Variants in AKT2 observed in about 807,000 individuals in gnomAD.
The protein encoded by AKT2 is AKT serine/threonine kinase 2, also known as RAC-beta serine/threonine-protein kinase.
A neutral mutation model predicts 58.6 loss-of-function variants in AKT2; 16 were observed. That is an observed-to-expected ratio of 0.27 (90% CI 0.18 to 0.41). The LOEUF is 0.41. AKT2 is among the 10% of genes least tolerant of loss of function. The pLI is 1.00. For missense variants in AKT2, 438 were observed against 661.0 expected (o/e 0.66, Z 3.70); for synonymous variants, 253 against 254.0 (o/e 1.00, Z 0.04).
In AKT2 at chr19:40,231,501, ATC is replaced by A. The variant is rs1973699817; in HGVS notation, c.*2369_*2370del. ...GCTAACTCTGATTTCTGTAAATTGG[ATC>A]TGACTTTTTCTGCTTACATTCACTT... is the stretch of plus-strand genomic sequence containing the variant. On this transcript the variant is annotated 3_prime_UTR_variant, in exon 14 of 14. Transcript: ENST00000392038. The A allele has an allele frequency of 4.3e-6, 1 of 233,176 alleles. No individual in the cohort carries two copies. The highest frequency in any genetic ancestry group is 1.8e-4 in the South Asian group (1 of 5,536). The allele number at this position is 233,176 out of a possible 1,614,324, so 14.4% of individuals were successfully genotyped here.
rs761956794 is a variant in AKT2, at chr19:40,242,674, G to A, written c.301C>T (p.Arg101Trp). 83 of 1,611,184 alleles carry A rather than the reference G, an allele frequency of 5.2e-5. No homozygotes were observed. Among genetic ancestry groups the A allele is most frequent in the Admixed American group, 6.7e-5 (4 of 59,992 alleles). Residue 101 changes from arginine to tryptophan, a missense_variant, in exon 5 of 14, where the codon CGG becomes TGG. Physicochemically the swap from Arg to Trp is moderately radical, Grantham distance 101. This residue lies in a region of AKT2 where 244 missense variants were observed against 347.1 expected (regional missense o/e 0.70). Coordinates refer to ENST00000392038, the MANE Select transcript of AKT2 (RefSeq NM_001626.6). The surrounding 1 kb of genome is among the most constrained non-coding windows in gnomAD (Gnocchi z 4.3). The part of the protein sequence containing the change: ...DSPDEREEWM[R>W]AIQMVANSLK... Reference sequence around the variant, plus strand: ...CTGTTGGCGACCATCTGGATGGCCCGCATCCACTCCTCCCTGTGCAGGGAC... The same window carrying A: ...CTGTTGGCGACCATCTGGATGGCCCACATCCACTCCTCCCTGTGCAGGGAC...
chr19:40,282,910 A>C (rs1372484005), intron 1 of AKT2: 3 of 178,694 alleles, frequency 1.7e-5, no homozygotes, highest in African/African-American at 7.2e-5. Context: ...CCAAGGGCTC[A>C]CATCACACCT....
At chr19:40,263,294 C>T (rs1976095074) in intron 2 of AKT2, among the ~76,000 whole-genome samples, 1 of 152,210 alleles carries the variant, frequency 6.6e-6, no homozygotes, top group Non-Finnish European at 1.5e-5. Flanking sequence ...CAGCACACCA[C>T]CCACACACCA....
At chr19:40,249,732 C>A (rs980335850) in intron 4 of AKT2, among the ~76,000 whole-genome samples, 1 of 152,260 alleles carries the variant, frequency 6.6e-6, no homozygotes, top group African/African-American at 2.4e-5. Flanking sequence ...GGAACAGGAT[C>A]TAGCTCAGAG....
chr19:40,236,884 T>TA, intron 9 of AKT2: 1 of 198,106 alleles, frequency 5.0e-6, no homozygotes, highest in South Asian at 8.5e-5. Flanking sequence ...AAAAAAAAAA[T>TA]TAGCCAGGCA....
intron 1 of AKT2, among the ~76,000 whole-genome samples, chr19:40,273,904 G>A (rs1245665584): frequency 6.6e-6 from 1 of 152,132 alleles, no homozygotes; most frequent in Non-Finnish European, 1.5e-5. Flanking sequence ...CCCCTATGGA[G>A]GCTGCCAGGG....
Position 40,235,592 on chromosome 19 carries a change from G to T in AKT2, c.1176-242C>A. The T allele has an allele frequency of 3.2e-6, 2 of 621,528 alleles. No homozygotes were observed. The highest frequency in any genetic ancestry group is 2.9e-6 in the Non-Finnish European group (1 of 349,950). The allele number at this position is 621,528 out of a possible 1,614,324, so 38.5% of individuals were successfully genotyped here. ...GCCTTACCCTGAGTCCAGAAAGGGAGTTAGTAGGGCAGGCTCCGTTCCTAT... is the reference window on the plus strand; with the variant it reads ...GCCTTACCCTGAGTCCAGAAAGGGATTTAGTAGGGCAGGCTCCGTTCCTAT... On this transcript the variant is annotated intron_variant, in intron 11 of 13. Transcript: ENST00000392038. This position sits in a 1 kb window ranked among gnomAD's most constrained non-coding sequence, Gnocchi z 6.3.
intron 3 of AKT2, 36 bp downstream of exon 3, chr19:40,256,890 G>T: frequency 6.2e-7 from 1 of 1,613,440 alleles, no homozygotes; most frequent in Non-Finnish European, 8.5e-7. Context: ...CATCCTGTGA[G>T]CACCAGAACA....
intron 1 of AKT2, among the ~76,000 whole-genome samples, chr19:40,273,041 G>T (rs928462954): frequency 6.6e-6 from 1 of 152,134 alleles, no homozygotes; most frequent in African/African-American, 2.4e-5. Flanking sequence ...TGCTCAACAC[G>T]TATCAAATAT....
intron 6 of AKT2, 162 bp from the exon 7 acceptor site, chr19:40,240,272 TAGC>T (rs1416867852): frequency 1.2e-6 from 1 of 825,920 alleles, no homozygotes; most frequent in Non-Finnish European, 2.2e-6. Flanking sequence ...CCTCAGCAAA[TAGC>T]AGACCCAGAC....
rs1473567391 is a variant in AKT2, at chr19:40,234,853, T to C, written c.1366+192A>G. The C allele has an allele frequency of 2.9e-6, 2 of 680,388 alleles. No individual in the cohort carries two copies. The highest frequency in any genetic ancestry group is 5.3e-6 in the Non-Finnish European group (2 of 374,760). 42.1% of individuals were successfully genotyped at this position (680,388 alleles called of 1,614,324 possible). A position where few individuals can be genotyped will look rare whatever the true frequency, so the allele number is the denominator to read the frequency against. ...GACTGAGCTCCAGAACGTGCTGCAGTCAATGGCTCCTGGTGGCCTCACCAG... is the reference window on the plus strand; with the variant it reads ...GACTGAGCTCCAGAACGTGCTGCAGCCAATGGCTCCTGGTGGCCTCACCAG... On this transcript the variant is annotated intron_variant, in intron 13 of 13. Transcript: ENST00000392038. The surrounding 1 kb of genome is among the most constrained non-coding windows in gnomAD (Gnocchi z 4.7).
At chr19:40,262,331 A>C (rs560996805) in intron 2 of AKT2, among the ~76,000 whole-genome samples, 1 of 152,236 alleles carries the variant, frequency 6.6e-6, no homozygotes, top group African/African-American at 2.4e-5. Context: ...ACTGAGTCAC[A>C]GAGAGGTCCT....
At chr19:40,278,518 G>C (rs971807927) in intron 1 of AKT2, among the ~76,000 whole-genome samples, 3 of 152,144 alleles carry the variant, frequency 2.0e-5, no homozygotes, top group Non-Finnish European at 4.4e-5. Flanking sequence ...GTGCAGGTTT[G>C]TAGAGCTAAT....
rs568527192 is a variant in AKT2, at chr19:40,267,328, C to G, written c.-84-1977G>C. ...CTGAGACGTGCACCTAGAAAGCCCT[C>G]GGGAAAGGCTAAGGACCATGACGTT... On this transcript the variant is annotated intron_variant, in intron 1 of 13. Coordinates refer to ENST00000392038, the MANE Select transcript of AKT2 (RefSeq NM_001626.6). Among the ~76,000 whole-genome samples the G allele has an allele frequency of 4.8e-4, 73 of 152,248 alleles. 1 individual carries two copies. In the East Asian group the frequency reaches 0.012, roughly 25 times the overall value.
In AKT2 at chr19:40,285,243, G is replaced by A; in HGVS notation, c.-147C>T. The A allele has an allele frequency of 2.5e-6, 1 of 395,382 alleles. No homozygotes were observed. The highest frequency in any genetic ancestry group is 3.6e-5 in the East Asian group (1 of 27,876). The allele number at this position is 395,382 out of a possible 1,614,324, so 24.5% of individuals were successfully genotyped here. On this transcript the variant is annotated 5_prime_UTR_variant, in exon 1 of 14. Coordinates refer to ENST00000392038, the MANE Select transcript of AKT2 (RefSeq NM_001626.6). Reference sequence around the variant, plus strand: ...CTACCCCCGCCCATCGCCACGCTGCGCTGGTTCCCTTTCCTTGTGTTTCCC... The same window carrying A: ...CTACCCCCGCCCATCGCCACGCTGCACTGGTTCCCTTTCCTTGTGTTTCCC...
intron 1 of AKT2, among the ~76,000 whole-genome samples, chr19:40,276,861 T>G (rs2077335895): frequency 6.6e-6 from 1 of 151,988 alleles, no homozygotes; most frequent in Non-Finnish European, 1.5e-5. Flanking sequence ...TACTGAAAAT[T>G]GTTTTAAAAA....
intron 1 of AKT2, among the ~76,000 whole-genome samples, chr19:40,281,902 C>T (rs1050939015): frequency 1.3e-5 from 2 of 152,232 alleles, no homozygotes; most frequent in African/African-American, 4.8e-5. Context: ...ACTCAGCCTT[C>T]ACAATAATCC....
At chr19:40,267,088 C>T (rs1052063367) in intron 1 of AKT2, among the ~76,000 whole-genome samples, 6 of 152,162 alleles carry the variant, frequency 3.9e-5, no homozygotes, top group Admixed American at 3.3e-4. Context: ...CATCTGCCCC[C>T]ACCTCTTCCC....
chr19:40,252,933 GGTAATTT>G (rs1358570811), intron 4 of AKT2, among the ~76,000 whole-genome samples: 1 of 152,108 alleles, frequency 6.6e-6, no homozygotes, highest in Non-Finnish European at 1.5e-5. Flanking sequence ...GGCTTGAGAT[GGTAATTT>G]TGTTCCCCTC....
Sources: gnomAD v4.1 joint callset for allele counts (sites outside exome capture counted in the v4.1 genomes callset) on GRCh38, gnomAD v4.1.1 for gene constraint, gnomAD v4.1.1 regional missense constraint, Gnocchi (gnomAD v3.1) non-coding constraint, MANE v1.5 for transcripts, NCBI Gene and HGNC (gene_info 2026-07-23, HGNC 2026-07-21) for gene names.